Variants in HIGD1B observed in about 807,000 individuals in gnomAD.
HIGD1B encodes HIG1 hypoxia inducible domain family member 1B, also known as HIG1 domain family member 1B.
Under a neutral mutation model 8.8 loss-of-function variants are expected in HIGD1B, and 9 were observed. That is an observed-to-expected ratio of 1.02 (90% CI 0.62 to 1.78). HIGD1B has a LOEUF of 1.78. HIGD1B is among the 40% of genes most tolerant of loss of function. The pLI is 0.00. For missense variants in HIGD1B, 126 were observed against 111.8 expected (o/e 1.13, Z -0.57); for synonymous variants, 47 against 38.8 (o/e 1.21, Z -0.78).
upstream of HIGD1B, among the ~76,000 whole-genome samples, chr17:44,847,252 T>G (rs1306456878): frequency 6.6e-6 from 1 of 151,362 alleles, no homozygotes; most frequent in African/African-American, 2.4e-5. Context: ...GCTAACAAGG[T>G]GAAACCCCGT....
intron 1 of HIGD1B, 146 bp from the exon 2 acceptor site, chr17:44,849,108 C>T (rs768808548): frequency 1.2e-6 from 1 of 826,246 alleles, no homozygotes; most frequent in Non-Finnish European, 1.9e-6. Context: ...CCCCCTAGGT[C>T]CCCCGCAACG....
upstream of HIGD1B, chr17:44,846,547 A>AGGCATGG (rs2050324101): frequency 6.6e-6 from 1 of 152,332 alleles, no homozygotes; most frequent in Non-Finnish European, 1.5e-5. Flanking sequence ...CTGTAATCCC[A>AGGCATGG]GAACTTTGGG....
chr17:44,850,136 G>T lies in HIGD1B; in HGVS notation c.236-196G>T, dbSNP rs1365407453. 1.7e-5 allele frequency: 9 copies of T among 545,166 alleles called. No homozygotes were observed. In the East Asian group the frequency reaches 2.3e-4, roughly 14 times the overall value. The allele number at this position is 545,166 out of a possible 1,614,324, so 33.8% of individuals were successfully genotyped here. The stretch of plus-strand genomic sequence containing the variant: ...CACAATACATGTGAAAGTGTTTCGT[G>T]AACTGTCAGATAAGTGGTTTCCCCA... On this transcript the variant is annotated intron_variant, in intron 2 of 2. Transcript: ENST00000253410.
At chr17:44,845,527 G>A (rs973157645), upstream of HIGD1B, among the ~76,000 whole-genome samples, 1 of 152,122 alleles carries the variant, frequency 6.6e-6, no homozygotes, top group Admixed American at 6.6e-5. Context: ...CTATTTAGGA[G>A]GCTGAGATGG....
At chr17:44,847,172 G>A (rs1179626878), upstream of HIGD1B, among the ~76,000 whole-genome samples, 1 of 151,376 alleles carries the variant, frequency 6.6e-6, no homozygotes, top group Non-Finnish European at 1.5e-5. Flanking sequence ...GGTGGCTCAC[G>A]CCTGTAATCC....
chr17:44,850,126 A>C (rs1167422531), intron 2 of HIGD1B: 2 of 530,220 alleles, frequency 3.8e-6, no homozygotes, highest in African/African-American at 1.9e-5. Flanking sequence ...TACATGTGAA[A>C]GTGTTTCGTG....
At chr17:44,846,559 G>C (rs1179847848), upstream of HIGD1B, 2 of 152,324 alleles carry the variant, frequency 1.3e-5, no homozygotes, top group Non-Finnish European at 2.9e-5. Flanking sequence ...AACTTTGGGA[G>C]GCTGAGGTGG....
Position 44,849,336 on chromosome 17 carries a change from G to C in HIGD1B, c.183G>C (p.Leu61=). ...SRGSTKMSIH[L]IHTRVAAQAC... Reference sequence around the variant, plus strand: ...GTTCCACCAAGATGTCCATACACCTGATTCACACCCGAGTGGCAGCGCAGG... The same window carrying C: ...GTTCCACCAAGATGTCCATACACCTCATTCACACCCGAGTGGCAGCGCAGG... Residue 61 remains leucine (L), a synonymous_variant, in exon 2 of 3, where the codon CTG becomes CTC. Transcript: ENST00000253410. 1 of 1,614,192 alleles carries C rather than the reference G, an allele frequency of 6.2e-7. No individual in the cohort carries two copies. Among genetic ancestry groups the C allele is most frequent in the South Asian group, 1.1e-5 (1 of 91,078 alleles).
Position 44,849,263 on chromosome 17 carries a change from G to A in HIGD1B, c.110G>A (p.Gly37Asp). The change falls in exon 2 of 3, where the codon GGC becomes GAC. Residue 37 changes from glycine (G) to aspartate (D), a missense_variant. Gly to Asp is a moderately conservative substitution (Grantham distance 94, BLOSUM62 -1). Transcript: ENST00000253410. ...TGTTCTCTGCCCACAGGCTTAGGAGGCTGCTTGGTGGTAGCAGCATACAGG... is the reference window on the plus strand; with the variant it reads ...TGTTCTCTGCCCACAGGCTTAGGAGACTGCTTGGTGGTAGCAGCATACAGG... The part of the protein sequence containing the change: ...ESPLVPIGLG[G>D]CLVVAAYRIY... 1.2e-6 allele frequency: 2 copies of A among 1,614,066 alleles called. No individual in the cohort carries two copies. The highest frequency in any genetic ancestry group is 1.7e-6 in the Non-Finnish European group (2 of 1,179,974).
chr17:44,846,007 C>T (rs2050319463), upstream of HIGD1B, among the ~76,000 whole-genome samples: 1 of 152,102 alleles, frequency 6.6e-6, no homozygotes, highest in African/African-American at 2.4e-5. Context: ...TTATTTACAT[C>T]CCACATTGTT....
chr17:44,847,212 T>G (rs549834322), upstream of HIGD1B, among the ~76,000 whole-genome samples: 6 of 151,900 alleles, frequency 3.9e-5, no homozygotes, highest in Non-Finnish European at 8.8e-5. Context: ...GGCAGGTGGA[T>G]CATGAGGTCA....
At chr17:44,846,265 C>T (rs988059420), upstream of HIGD1B, 4 of 152,336 alleles carry the variant, frequency 2.6e-5, no homozygotes, top group Non-Finnish European at 5.9e-5. Flanking sequence ...TGTCCTTTCC[C>T]CTCCCCTCTC....
At chr17:44,849,758 CAAA>C (rs61617877) in intron 2 of HIGD1B, among the ~76,000 whole-genome samples, 31 of 52,540 alleles carry the variant, frequency 5.9e-4, no homozygotes, top group South Asian at 8.0e-4. Flanking sequence ...GACTCTGTCT[CAAA>C]AAAAAAAAAA....
In HIGD1B at chr17:44,850,465, T is replaced by C. The variant is rs2050427530; in HGVS notation, c.*69T>C. 2 of 1,209,248 alleles carry C rather than the reference T, an allele frequency of 1.7e-6. No homozygotes were observed. The highest frequency in any genetic ancestry group is 3.0e-5 in the African/African-American group (2 of 67,370). The allele number at this position is 1,209,248 out of a possible 1,614,324, so 74.9% of individuals were successfully genotyped here. A position where few individuals can be genotyped will look rare whatever the true frequency, so the allele number is the denominator to read the frequency against. On this transcript the variant is annotated 3_prime_UTR_variant, in exon 3 of 3. Coordinates refer to ENST00000253410, the MANE Select transcript of HIGD1B (RefSeq NM_016438.4). Reference sequence around the variant, plus strand: ...CCCTGGTACATTCCTAATAAAGCAGTTTTGAGGAAAATCAACAGACTCTTT... The same window carrying C: ...CCCTGGTACATTCCTAATAAAGCAGCTTTGAGGAAAATCAACAGACTCTTT...
chr17:44,848,383 G>A lies in HIGD1B; in HGVS notation c.100+131G>A, dbSNP rs377608473. On this transcript the variant is annotated intron_variant, in intron 1 of 2. Coordinates refer to ENST00000253410, the MANE Select transcript of HIGD1B (RefSeq NM_016438.4). ...TACTCACGGAACAAGGGAAACAACA[G>A]CAAAGGTGCCAAGGGGCAAACCCTT... The A allele has an allele frequency of 2.5e-4, 156 of 628,174 alleles. 1 individual carries two copies. The East Asian group carries it at 4.1e-3, about 16-fold the overall frequency. 38.9% of individuals were successfully genotyped at this position (628,174 alleles called of 1,614,324 possible).
intron 1 of HIGD1B, 74 bp from the exon 2 acceptor site, chr17:44,849,180 T>A: frequency 6.5e-7 from 1 of 1,526,990 alleles, no homozygotes; most frequent in Non-Finnish European, 8.9e-7. Flanking sequence ...CCAGCCTGCC[T>A]GGTAAGGTAT....
chr17:44,845,931 G>A (rs376032817), upstream of HIGD1B, among the ~76,000 whole-genome samples: 18 of 150,442 alleles, frequency 1.2e-4, 1 homozygote, highest in African/African-American at 2.4e-4. Context: ...ACTCCATCTC[G>A]GAAAAAAAAA....
rs754135855 is a variant in HIGD1B at position 44,849,338 on chromosome 17, T to C, written c.185T>C (p.Ile62Thr). 9 of 1,614,116 alleles carry C rather than the reference T, an allele frequency of 5.6e-6. No homozygotes were observed. The highest frequency in any genetic ancestry group is 2.2e-5 in the East Asian group (1 of 44,876). The change falls in exon 2 of 3, where the codon ATT (isoleucine) becomes ACT (threonine). Residue 62 changes from isoleucine (I) to threonine (T), a missense_variant. Physicochemically the swap from Ile to Thr is moderately conservative, Grantham distance 89 (BLOSUM62 -1). Coordinates refer to ENST00000253410, the MANE Select transcript of HIGD1B (RefSeq NM_016438.4). Reference protein sequence around the residue: ...RGSTKMSIHLIHTRVAAQACA... With the variant: ...RGSTKMSIHLTHTRVAAQACA... ...TCCACCAAGATGTCCATACACCTGA[T>C]TCACACCCGAGTGGCAGCGCAGGCC... is the stretch of plus-strand genomic sequence containing the variant.
At chr17:44,850,188 G>C in intron 2 of HIGD1B, 144 bp from the exon 3 acceptor site, 1 of 608,048 alleles carries the variant, frequency 1.6e-6, no homozygotes, top group Non-Finnish European at 2.9e-6. Flanking sequence ...GCTTGAAGCA[G>C]CTGTTGGGAC....
Sources: allele counts gnomAD v4.1 joint callset (sites outside exome capture counted in the v4.1 genomes callset), GRCh38; gene constraint gnomAD v4.1.1; transcripts MANE v1.5; gene names NCBI Gene and HGNC (gene_info 2026-07-23, HGNC 2026-07-21).